Variants in GTF3C5 observed in about 807,000 individuals in gnomAD.
GTF3C5 encodes the protein general transcription factor IIIC subunit 5.
A neutral mutation model predicts 61.0 loss-of-function variants in GTF3C5; 47 were observed. That is an observed-to-expected ratio of 0.77 (90% confidence interval 0.61 to 0.98). The LOEUF (loss-of-function observed/expected upper bound fraction) is 0.98, where lower values mean the gene tolerates loss of function less well. Among genes scored for constraint, GTF3C5 ranks in the 50% least tolerant of loss-of-function variants. The pLI, the probability that GTF3C5 is intolerant of heterozygous loss-of-function variation, is 0.00. For missense variants in GTF3C5, 659 were observed against 703.3 expected (o/e 0.94, Z 0.71); for synonymous variants, 295 against 275.4 (o/e 1.07, Z -0.71).
chr9:133,047,817 C>T (rs1440912672), intron 3 of GTF3C5, among the ~76,000 whole-genome samples: 1 of 152,242 alleles, frequency 6.6e-6, no homozygotes, highest in Non-Finnish European at 1.5e-5. Flanking sequence ...CCACCGCACC[C>T]AGCCTATTTT....
chr9:133,034,463 A>C (rs4304446), intron 1 of GTF3C5, among the ~76,000 whole-genome samples: 10,227 of 152,234 alleles, frequency 0.067, 598 homozygotes, highest in African/African-American at 0.15. Context: ...AGATGACCTT[A>C]TGTTGGAAAG....
At chr9:133,038,629 T>G (rs1240738358) in intron 1 of GTF3C5, among the ~76,000 whole-genome samples, 1 of 151,606 alleles carries the variant, frequency 6.6e-6, no homozygotes, top group Admixed American at 6.6e-5. Context: ...TTTTGTTTTT[T>G]TTTTTTTAGT....
At position 133,053,940 on chromosome 9, in the gene GTF3C5, A is replaced by C; in HGVS notation, c.986A>C (p.His329Pro). ...TTCCGAATCCGTTGTGGAATGAAACACGGTAAAAATTCCTGAAAGCTTTGC... is the reference window on the plus strand; with the variant it reads ...TTCCGAATCCGTTGTGGAATGAAACCCGGTAAAAATTCCTGAAAGCTTTGC... ...LDFRIRCGMK[H>P]GYAPSDLPVK... The change falls in exon 6 of 11, where the codon CAC (histidine) becomes CCC (proline). Residue 329 changes from histidine (H) to proline (P), a missense_variant and splice_region_variant. Transcript: ENST00000372097. 1 of 1,590,994 alleles carries C rather than the reference A, an allele frequency of 6.3e-7. No individual in the cohort carries two copies. Among genetic ancestry groups the C allele is most frequent in the Non-Finnish European group, 8.6e-7 (1 of 1,160,654 alleles).
At chr9:133,054,974 C>T (rs763516890) in intron 8 of GTF3C5, 165 bp downstream of exon 8, 64 of 1,551,636 alleles carry the variant, frequency 4.1e-5, no homozygotes, top group Middle Eastern at 1.7e-4. Flanking sequence ...GGTGAGAACT[C>T]GGGTGCAAAG....
rs756020353 is a variant in GTF3C5 at position 133,057,850 on chromosome 9, A to G, written c.1430A>G (p.Lys477Arg). 1 of 1,613,086 alleles carries G rather than the reference A, an allele frequency of 6.2e-7. No individual in the cohort carries two copies. The highest frequency in any genetic ancestry group is 8.5e-7 in the Non-Finnish European group (1 of 1,179,590). ...FSSSAKADGG[K>R]EQLTYESGED... ...AGCTCAGCCAAGGCTGATGGCGGAAAAGAGCAGCTGACGTACGAGTCTGGG... is the reference window on the plus strand; with the variant it reads ...AGCTCAGCCAAGGCTGATGGCGGAAGAGAGCAGCTGACGTACGAGTCTGGG... The change falls in exon 11 of 11, where the codon AAA becomes AGA. Residue 477 changes from lysine (K) to arginine (R), a missense_variant. By Grantham distance (26) the Lys-to-Arg change is conservative. Transcript: ENST00000372097.
chr9:133,032,066 A>G (rs921839729), intron 1 of GTF3C5, among the ~76,000 whole-genome samples: 13 of 152,168 alleles, frequency 8.5e-5, no homozygotes, highest in African/African-American at 2.7e-4. Context: ...GTATTTATTA[A>G]TTTTCCCCCT....
At chr9:133,056,475 T>C (rs1200959293) in intron 9 of GTF3C5, among the ~76,000 whole-genome samples, 1 of 152,202 alleles carries the variant, frequency 6.6e-6, no homozygotes, top group South Asian at 2.1e-4. Flanking sequence ...TGAGAGGAGA[T>C]GGGAACACAT....
intron 1 of GTF3C5, among the ~76,000 whole-genome samples, chr9:133,035,400 C>G (rs1264697337): frequency 1.3e-5 from 2 of 152,154 alleles, no homozygotes; most frequent in Non-Finnish European, 2.9e-5. Context: ...GCTTATTAGT[C>G]TTTTTGCATA....
At chr9:133,054,638 C>T in intron 7 of GTF3C5, 74 bp from the exon 8 acceptor site, 1 of 1,442,578 alleles carries the variant, frequency 6.9e-7, no homozygotes, top group Non-Finnish European at 9.5e-7. Flanking sequence ...GGCAGGAGGG[C>T]AGGGCATGGT....
At chr9:133,037,830 G>A (rs1264331006) in intron 1 of GTF3C5, among the ~76,000 whole-genome samples, 1 of 152,178 alleles carries the variant, frequency 6.6e-6, no homozygotes, top group Non-Finnish European at 1.5e-5. Context: ...GCTGACGCTA[G>A]ACGGAAGGGA....
chr9:133,039,840 A>AT (rs1443401686), intron 1 of GTF3C5, among the ~76,000 whole-genome samples: 6 of 152,076 alleles, frequency 3.9e-5, no homozygotes. Context: ...TTTTATTCAC[A>AT]TTTTTCAGAT....
At chr9:133,050,297 G>C (rs547999517) in intron 3 of GTF3C5, among the ~76,000 whole-genome samples, 1 of 152,222 alleles carries the variant, frequency 6.6e-6, no homozygotes. Flanking sequence ...TAAGTGAATC[G>C]CATGTAAGCA....
chr9:133,040,880 C>A (rs1372558174), intron 1 of GTF3C5, among the ~76,000 whole-genome samples: 1 of 152,132 alleles, frequency 6.6e-6, no homozygotes. Flanking sequence ...AGATCTAGAT[C>A]ATAGACATGA....
intron 3 of GTF3C5, among the ~76,000 whole-genome samples, chr9:133,045,453 A>T (rs1006511843): frequency 6.6e-6 from 1 of 152,184 alleles, no homozygotes; most frequent in Non-Finnish European, 1.5e-5. Context: ...ATGGAAAAAA[A>T]CTTTGCATTG....
chr9:133,048,112 G>C (rs1219985418), intron 3 of GTF3C5, among the ~76,000 whole-genome samples: 1 of 151,454 alleles, frequency 6.6e-6, no homozygotes, highest in Non-Finnish European at 1.5e-5. Context: ...CTGGGTGACA[G>C]AGTGGGACCG....
intron 3 of GTF3C5, chr9:133,044,232 G>A (rs1850135424): frequency 2.6e-6 from 1 of 391,728 alleles, no homozygotes; most frequent in Non-Finnish European, 4.7e-6. Flanking sequence ...AAAAGTGTGT[G>A]CAGTTCTCAG....
intron 1 of GTF3C5, among the ~76,000 whole-genome samples, chr9:133,040,881 A>G (rs757328019): frequency 2.0e-5 from 3 of 152,260 alleles, no homozygotes; most frequent in Non-Finnish European, 2.9e-5. Flanking sequence ...GATCTAGATC[A>G]TAGACATGAT....
At chr9:133,030,874 G>T (rs1048865303), upstream of GTF3C5, 2 of 1,010,162 alleles carry the variant, frequency 2.0e-6, no homozygotes, top group African/African-American at 1.6e-5. Flanking sequence ...AGGCCCTCGC[G>T]TCTTGCTGAG....
At chr9:133,056,160 C>T (rs1829932609) in intron 9 of GTF3C5, 66 bp downstream of exon 9, 11 of 1,338,616 alleles carry the variant, frequency 8.2e-6, no homozygotes, top group African/African-American at 2.9e-5. Context: ...AAAGCGGTCT[C>T]TGAACTCTTC....
Sources: gnomAD v4.1 joint callset for allele counts (sites outside exome capture counted in the v4.1 genomes callset) on GRCh38, gnomAD v4.1.1 for gene constraint, MANE v1.5 for transcripts, NCBI Gene and HGNC (gene_info 2026-07-23, HGNC 2026-07-21) for gene names.